Variants in NXN observed in about 807,000 individuals in gnomAD.
The protein encoded by NXN is nucleoredoxin, also known as nucleoredoxin 1.
NXN carries 16 observed loss-of-function variants against 48.6 expected under a neutral mutation model. The observed-to-expected ratio is 0.33, with a 90% CI of 0.22 to 0.50. NXN has a LOEUF of 0.50. NXN is among the 20% of genes least tolerant of loss of function. The probability of loss-of-function intolerance (pLI) is 0.98; values close to 1 mark genes in which losing one functional copy is unlikely to be tolerated. For synonymous variants in NXN, 281 were observed against 269.6 expected (o/e 1.04, Z -0.41); for missense variants, 492 against 605.5 (o/e 0.81, Z 1.97).
At chr17:905,833 TG>T (rs2068576741) in intron 1 of NXN, among the ~76,000 whole-genome samples, 1 of 151,538 alleles carries the variant, frequency 6.6e-6, no homozygotes, top group Non-Finnish European at 1.5e-5. Context: ...AAAAATTAGC[TG>T]GGCATGGTGG....
chr17:918,063 G>C (rs2068706226), intron 1 of NXN, among the ~76,000 whole-genome samples: 1 of 152,206 alleles, frequency 6.6e-6, no homozygotes, highest in Non-Finnish European at 1.5e-5. Context: ...TTTAAAAGTT[G>C]TGTGTCTAAA....
chr17:873,755 T>A (rs2144814343), intron 1 of NXN, among the ~76,000 whole-genome samples: 1 of 152,274 alleles, frequency 6.6e-6, no homozygotes, highest in Non-Finnish European at 1.5e-5. Flanking sequence ...TATATCCTCC[T>A]ACAGTTTATT....
intron 1 of NXN, among the ~76,000 whole-genome samples, chr17:843,402 G>T (rs187386881): frequency 6.6e-6 from 1 of 152,218 alleles, no homozygotes; most frequent in East Asian, 1.9e-4. Context: ...CTTTCTGGCC[G>T]ACACCACAGA....
chr17:913,284 C>T (rs1400145568), intron 1 of NXN, among the ~76,000 whole-genome samples: 1 of 69,424 alleles, frequency 1.4e-5, no homozygotes, highest in African/African-American at 2.9e-5. Context: ...CCACTGCCAG[C>T]TCCCAAATGA....
intron 1 of NXN, among the ~76,000 whole-genome samples, chr17:895,975 A>G (rs1422453327): frequency 2.0e-5 from 3 of 152,052 alleles, no homozygotes; most frequent in Admixed American, 1.3e-4. Flanking sequence ...TGGGAGGCTG[A>G]GGTGGGGAGG....
intron 1 of NXN, among the ~76,000 whole-genome samples, chr17:962,830 G>A (rs780590363): frequency 1.4e-4 from 21 of 152,132 alleles, no homozygotes; most frequent in Non-Finnish European, 2.2e-4. Context: ...TTATCCAAAC[G>A]GCAGAGCCCA....
intron 1 of NXN, among the ~76,000 whole-genome samples, chr17:918,464 T>C (rs1379588459): frequency 6.6e-6 from 1 of 152,144 alleles, no homozygotes; most frequent in Non-Finnish European, 1.5e-5. Flanking sequence ...CTCACTTTCA[T>C]TCCAGCTACT....
chr17:902,960 G>A (rs1660877279), intron 1 of NXN, among the ~76,000 whole-genome samples: 1 of 151,338 alleles, frequency 6.6e-6, no homozygotes, highest in Non-Finnish European at 1.5e-5. Context: ...TAGTAGAGAT[G>A]GGCTTTCTCC....
chr17:843,306 G>A (rs933666539), intron 1 of NXN, among the ~76,000 whole-genome samples: 5 of 152,228 alleles, frequency 3.3e-5, no homozygotes, highest in Admixed American at 3.3e-4. Context: ...CATTGACTGT[G>A]CCATTCGACT....
intron 5 of NXN, among the ~76,000 whole-genome samples, chr17:810,386 T>C (rs941447778): frequency 6.6e-6 from 1 of 152,124 alleles, no homozygotes; most frequent in Non-Finnish European, 1.5e-5. Flanking sequence ...GGCAGGAATG[T>C]GGGTGGGATG....
At chr17:812,084 C>T (rs547408466) in intron 5 of NXN, among the ~76,000 whole-genome samples, 58 of 151,340 alleles carry the variant, frequency 3.8e-4, no homozygotes, top group Non-Finnish European at 6.2e-4. Flanking sequence ...CCCGTCACCA[C>T]GCCTGGCTAA....
intron 1 of NXN, among the ~76,000 whole-genome samples, chr17:935,639 T>G (rs1380986399): frequency 6.6e-6 from 1 of 152,150 alleles, no homozygotes; most frequent in Admixed American, 6.5e-5. Context: ...GACCCTGAGC[T>G]CTGCAGAACA....
chr17:805,708 G>T (rs1050042980), intron 5 of NXN, among the ~76,000 whole-genome samples: 4 of 152,032 alleles, frequency 2.6e-5, no homozygotes, highest in African/African-American at 9.7e-5. Flanking sequence ...CGTGGTGGCG[G>T]GCGCCTGTAG....
In NXN at chr17:863,800, T is replaced by C. The variant is rs77993380; in HGVS notation, c.361-37722A>G. ...TTGATTCACATCTGGTTGAAAAAAG[T>C]CCACATACAAATGGACCCTTGCAAT... On this transcript the variant is annotated intron_variant, in intron 1 of 7. Coordinates refer to ENST00000336868, the MANE Select transcript of NXN (RefSeq NM_022463.5). 915 of 683,646 alleles carry C rather than the reference T, an allele frequency of 1.3e-3. 11 individuals carry two copies. In the East Asian group the frequency reaches 0.024, roughly 18 times the overall value. 42.3% of individuals were successfully genotyped at this position (683,646 alleles called of 1,614,324 possible). A position where few individuals can be genotyped will look rare whatever the true frequency, so the allele number is the denominator to read the frequency against.
chr17:823,714 G>A lies in NXN; in HGVS notation c.530C>T (p.Pro177Leu). The A allele has an allele frequency of 1.2e-6, 2 of 1,614,136 alleles. No homozygotes were observed. Among genetic ancestry groups the A allele is most frequent in the East Asian group, 4.5e-5 (2 of 44,872 alleles). ...PKPFREVIAG[P>L]LLRNNGQSLE... Reference sequence around the variant, plus strand: ...AGACTGCCCATTGTTTCTAAGCAAGGGCCCTGCAATGACTTCCCTGAAGGG... The same window carrying A: ...AGACTGCCCATTGTTTCTAAGCAAGAGCCCTGCAATGACTTCCCTGAAGGG... Residue 177 changes from proline (P) to leucine (L), a missense_variant, in exon 3 of 8, where the codon CCC (proline) becomes CTC (leucine). Coordinates refer to ENST00000336868, the MANE Select transcript of NXN (RefSeq NM_022463.5).
intron 5 of NXN, 65 bp downstream of exon 5, chr17:819,374 G>C (rs1481840572): frequency 1.8e-6 from 2 of 1,117,148 alleles, no homozygotes; most frequent in Non-Finnish European, 2.7e-6. Context: ...GAAAGCCAAA[G>C]ACACGGTGAG....
chr17:957,576 G>A (rs941615063), intron 1 of NXN, among the ~76,000 whole-genome samples: 13 of 150,682 alleles, frequency 8.6e-5, no homozygotes, highest in Admixed American at 8.0e-4. Context: ...AGGTTGCAGT[G>A]AGCCAAGATC....
intron 1 of NXN, among the ~76,000 whole-genome samples, chr17:888,981 A>G (rs1170904967): frequency 6.7e-6 from 1 of 148,692 alleles, no homozygotes; most frequent in Non-Finnish European, 1.5e-5. Flanking sequence ...AAAAAAAAAA[A>G]AGATTGACGG....
In NXN at chr17:978,500, C is replaced by T. The variant is rs1309117230; in HGVS notation, c.360+819G>A. ...GTCAGCTCAGCCCTTAACTCGAAGA[C>T]CCCGGGACCACAGGGGCCACCACGC... On this transcript the variant is annotated intron_variant, in intron 1 of 7. Transcript: ENST00000336868. This position sits in a 1 kb window ranked among gnomAD's most constrained non-coding sequence, Gnocchi z 4.1. 6.6e-6 allele frequency: 1 copy of T among 152,416 alleles called. No homozygotes were observed. 9.4% of individuals were successfully genotyped at this position (152,416 alleles called of 1,614,324 possible).
Sources: allele counts gnomAD v4.1 joint callset (sites outside exome capture counted in the v4.1 genomes callset), GRCh38; gene constraint gnomAD v4.1.1; non-coding constraint Gnocchi (gnomAD v3.1); transcripts MANE v1.5; gene names NCBI Gene and HGNC (gene_info 2026-07-23, HGNC 2026-07-21).